Variants in ENPEP observed in about 807,000 individuals in gnomAD.
ENPEP encodes AP-A.
ENPEP carries 103 observed loss-of-function variants against 114.5 expected under a neutral mutation model. The ratio of observed to expected loss-of-function variants is 0.90; its 90% CI spans 0.77 to 1.06. ENPEP has a LOEUF of 1.06. Among genes scored for constraint, ENPEP ranks in the 50% least tolerant of loss-of-function variants. ENPEP has a pLI of 0.00. For missense variants in ENPEP, 1,196 were observed against 1,161.3 expected (o/e 1.03, Z -0.43); for synonymous variants, 420 against 422.0 (o/e 1.00, Z 0.06).
intron 3 of ENPEP, among the ~76,000 whole-genome samples, chr4:110,491,714 CTTTCTTTTTTTTT>C (rs1472126984): frequency 2.5e-4 from 36 of 143,466 alleles, no homozygotes; most frequent in Middle Eastern, 3.7e-3. Context: ...AGTTTTCTTT[CTTTCTTTTTTTTT>C]TTTTTTTTTT....
intron 3 of ENPEP, among the ~76,000 whole-genome samples, chr4:110,494,360 T>A (rs547756004): frequency 1.3e-5 from 2 of 152,226 alleles, no homozygotes; most frequent in Non-Finnish European, 2.9e-5. Flanking sequence ...CCTTTATTAC[T>A]TTTTTAGTAA....
At position 110,553,372 on chromosome 4, in the gene ENPEP, C is replaced by T. The variant is rs1560571269; in HGVS notation, c.2559C>T (p.Val853=). The T allele has an allele frequency of 6.2e-7, 1 of 1,611,218 alleles. No individual in the cohort carries two copies. The highest frequency in any genetic ancestry group is 1.7e-5 in the Admixed American group (1 of 59,924). The change falls in exon 18 of 20, where the codon GTC becomes GTT. Residue 853 remains valine, a synonymous_variant. Coordinates refer to ENST00000265162, the MANE Select transcript of ENPEP (RefSeq NM_001977.4). The stretch of plus-strand genomic sequence containing the variant: ...TTAAAACTCAGGATGTGTTTACAGT[C>T]ATTCGATATATCTCATATAACAGCT... ...NLIKTQDVFT[V]IRYISYNSYG... is the part of the protein sequence containing the mutation.
chr4:110,520,130 C>T, intron 9 of ENPEP, 57 bp downstream of exon 9: 1 of 1,590,902 alleles, frequency 6.3e-7, no homozygotes, highest in East Asian at 2.2e-5. Context: ...AATGGCTTAC[C>T]AATCATTTTC....
chr4:110,477,858 C>T (rs1298632923), intron 1 of ENPEP, among the ~76,000 whole-genome samples: 1 of 152,016 alleles, frequency 6.6e-6, no homozygotes, highest in African/African-American at 2.4e-5. Flanking sequence ...TCCACTTTCC[C>T]ACCTATTTGT....
intron 2 of ENPEP, among the ~76,000 whole-genome samples, chr4:110,489,381 G>A (rs1463714337): frequency 6.6e-6 from 1 of 152,026 alleles, no homozygotes; most frequent in Admixed American, 6.6e-5. Flanking sequence ...GACACAAGGA[G>A]GGGAACATCA....
chr4:110,491,006 T>C, intron 2 of ENPEP, 27 bp from the exon 3 acceptor site: 1 of 1,598,238 alleles, frequency 6.3e-7, no homozygotes, highest in Non-Finnish European at 8.5e-7. Context: ...TTTTGATCGA[T>C]AAAAGTTTAT....
intron 1 of ENPEP, among the ~76,000 whole-genome samples, chr4:110,484,118 GAA>G (rs1724412565): frequency 6.6e-6 from 1 of 152,150 alleles, no homozygotes; most frequent in Admixed American, 6.6e-5. Context: ...TGCTATGTCA[GAA>G]AGCACTAGCA....
chr4:110,515,196 A>C (rs1231506369), intron 7 of ENPEP, among the ~76,000 whole-genome samples, 181 bp from the exon 8 acceptor site: 1 of 152,210 alleles, frequency 6.6e-6, no homozygotes, highest in Non-Finnish European at 1.5e-5. Context: ...GCATAGATAC[A>C]GGGACTGTGC....
At position 110,515,432 on chromosome 4, in the gene ENPEP, A is replaced by C; in HGVS notation, c.1499A>C (p.Lys500Thr). 1 of 1,591,632 alleles carries C rather than the reference A, an allele frequency of 6.3e-7. No individual in the cohort carries two copies. The highest frequency in any genetic ancestry group is 8.5e-7 in the Non-Finnish European group (1 of 1,174,136). ...EDWIKPENFQ[K>T]GCQMYLEKYQ... ...TGGATAAAACCAGAGAATTTTCAAA[A>C]AGGATGTCAGGTATGATTTATTACT... is the stretch of plus-strand genomic sequence containing the variant. The change falls in exon 8 of 20, where the codon AAA becomes ACA. Residue 500 changes from lysine (K) to threonine (T), a missense_variant. Lys to Thr is a moderately conservative substitution (Grantham distance 78). Coordinates refer to ENST00000265162, the MANE Select transcript of ENPEP (RefSeq NM_001977.4).
At chr4:110,542,275 A>G (rs1248346117) in intron 11 of ENPEP, among the ~76,000 whole-genome samples, 1 of 152,064 alleles carries the variant, frequency 6.6e-6, no homozygotes, top group Non-Finnish European at 1.5e-5. Flanking sequence ...ATCAACTTCA[A>G]TGTTGATTTT....
intron 6 of ENPEP, chr4:110,513,190 G>C (rs935080584): frequency 2.9e-6 from 1 of 347,778 alleles, no homozygotes; most frequent in South Asian, 6.0e-5. Context: ...ATGTCTTCTC[G>C]GCCTGTCATC....
intron 11 of ENPEP, among the ~76,000 whole-genome samples, chr4:110,541,609 C>G (rs1726850191): frequency 6.6e-6 from 1 of 152,048 alleles, no homozygotes; most frequent in African/African-American, 2.4e-5. Flanking sequence ...GAAATCTTTC[C>G]AGAAAATAGA....
chr4:110,558,270 T>TTATATATATATATA (rs5861011), intron 18 of ENPEP, among the ~76,000 whole-genome samples: 149 of 141,676 alleles, frequency 1.1e-3, no homozygotes, highest in African/African-American at 3.7e-3. Context: ...TTTATAAAAA[T>TTATATATATATATA]TATATATATA....
In ENPEP at chr4:110,510,210, G is replaced by T. The variant is rs750478632; in HGVS notation, c.1195-35G>T. On this transcript the variant is annotated intron_variant, in intron 5 of 19. Transcript: ENST00000265162. ...CTAGGCCTCTCTACCATACCCATAAGAATGTAATTATCTCTTTATTGCTTA... is the reference window on the plus strand; with the variant it reads ...CTAGGCCTCTCTACCATACCCATAATAATGTAATTATCTCTTTATTGCTTA... 5.8e-6 allele frequency: 9 copies of T among 1,549,394 alleles called. No homozygotes were observed. In the South Asian group the frequency reaches 1.0e-4, roughly 17 times the overall value.
intron 2 of ENPEP, 135 bp from the exon 3 acceptor site, chr4:110,490,898 A>G (rs1724682644): frequency 6.4e-6 from 6 of 930,272 alleles, no homozygotes; most frequent in Non-Finnish European, 8.0e-6. Flanking sequence ...CATCACCACA[A>G]ACAATTTGAC....
At chr4:110,526,388 C>T (rs182935737) in intron 10 of ENPEP, among the ~76,000 whole-genome samples, 1 of 152,226 alleles carries the variant, frequency 6.6e-6, no homozygotes, top group East Asian at 1.9e-4. Context: ...AAGTGGTTGG[C>T]ACTATTTTAA....
rs773981219 is a variant in ENPEP at position 110,549,558 on chromosome 4, G to C, written c.2256G>C (p.Ala752=). Residue 752 remains alanine (A), a synonymous_variant, in exon 16 of 20, where the codon GCG becomes GCC. Transcript: ENST00000265162. The part of the protein sequence containing the change: ...KLLRSSVLGF[A]CKMGDREALN... ...TCCGTTCCTCCGTGTTAGGGTTTGCGTGCAAGATGGGAGACAGAGAAGCCT... is the reference window on the plus strand; with the variant it reads ...TCCGTTCCTCCGTGTTAGGGTTTGCCTGCAAGATGGGAGACAGAGAAGCCT... 1.9e-6 allele frequency: 3 copies of C among 1,613,564 alleles called. No homozygotes were observed. Among genetic ancestry groups the C allele is most frequent in the South Asian group, 2.2e-5 (2 of 91,078 alleles).
intron 1 of ENPEP, among the ~76,000 whole-genome samples, chr4:110,485,103 C>G (rs1209995543): frequency 6.6e-6 from 1 of 152,168 alleles, no homozygotes; most frequent in Non-Finnish European, 1.5e-5. Flanking sequence ...GGGGTTGGAG[C>G]TTGGTGGATC....
chr4:110,533,309 C>A, intron 11 of ENPEP: 1 of 169,920 alleles, frequency 5.9e-6, no homozygotes, highest in Non-Finnish European at 1.3e-5. Flanking sequence ...GTTATGTACT[C>A]CTTAGAATAT....
Sources: allele counts gnomAD v4.1 joint callset (sites outside exome capture counted in the v4.1 genomes callset), GRCh38; gene constraint gnomAD v4.1.1; transcripts MANE v1.5; gene names NCBI Gene and HGNC (gene_info 2026-07-23, HGNC 2026-07-21).